Variants in TENM4 observed in about 807,000 individuals in gnomAD.
TENM4 encodes teneurin-4.
Under a neutral mutation model 243.3 loss-of-function variants are expected in TENM4, and 82 were observed. The ratio of observed to expected loss-of-function variants is 0.34; its 90% CI spans 0.28 to 0.40. The LOEUF is 0.40. Among genes scored for constraint, TENM4 ranks in the 10% least tolerant of loss-of-function variants. The pLI is 1.00. For synonymous variants in TENM4, 1,412 were observed against 1,456.3 expected (o/e 0.97, Z 0.69); for missense variants, 3,138 against 3,673.3 (o/e 0.85, Z 3.77).
intron 6 of TENM4, among the ~76,000 whole-genome samples, chr11:79,001,352 G>C (rs1433030405): frequency 6.6e-6 from 1 of 152,094 alleles, no homozygotes; most frequent in Non-Finnish European, 1.5e-5. Context: ...GGGGGAAGCT[G>C]GGAACCCTGC....
chr11:78,934,867 T>A (rs1454017353), intron 6 of TENM4, among the ~76,000 whole-genome samples: 3 of 144,678 alleles, frequency 2.1e-5, no homozygotes, highest in African/African-American at 8.7e-5. Context: ...AAGTTTTTTT[T>A]ATTTTTTATT....
intron 19 of TENM4, among the ~76,000 whole-genome samples, chr11:78,753,666 A>G (rs1203926267): frequency 6.6e-6 from 1 of 152,086 alleles, no homozygotes; most frequent in Non-Finnish European, 1.5e-5. Flanking sequence ...AAGAGCTGGT[A>G]CATAATGATT....
chr11:78,758,927 GAGTA>G (rs1856371946), intron 18 of TENM4, among the ~76,000 whole-genome samples: 1 of 152,180 alleles, frequency 6.6e-6, no homozygotes, highest in Non-Finnish European at 1.5e-5. Context: ...GGGATCATAA[GAGTA>G]AGTGTCAAAC....
intron 27 of TENM4, among the ~76,000 whole-genome samples, chr11:78,707,086 T>G (rs1261977577): frequency 6.6e-6 from 1 of 152,026 alleles, no homozygotes; most frequent in African/African-American, 2.4e-5. Context: ...GTAACAGAGG[T>G]AGGCATGACC....
intron 2 of TENM4, among the ~76,000 whole-genome samples, chr11:79,248,163 A>G (rs1289242556): frequency 6.6e-6 from 1 of 152,198 alleles, no homozygotes; most frequent in Non-Finnish European, 1.5e-5. Context: ...CCTCAGAATG[A>G]AGAGACTGCG....
intron 1 of TENM4, among the ~76,000 whole-genome samples, chr11:79,314,987 G>A (rs1393691030): frequency 6.6e-6 from 1 of 152,220 alleles, no homozygotes; most frequent in African/African-American, 2.4e-5. Flanking sequence ...ACACATAGAT[G>A]TTTTTAATAA....
intron 15 of TENM4, among the ~76,000 whole-genome samples, chr11:78,788,743 C>G (rs1489161729): frequency 2.0e-5 from 3 of 152,218 alleles, no homozygotes; most frequent in Non-Finnish European, 4.4e-5. Context: ...TTTGTGAGAT[C>G]TATACCTGCT....
At chr11:79,336,581 T>C (rs562287506) in intron 1 of TENM4, among the ~76,000 whole-genome samples, 1 of 152,318 alleles carries the variant, frequency 6.6e-6, no homozygotes, top group East Asian at 1.9e-4. Flanking sequence ...TGGGCTCCAT[T>C]TGCTTTCTAT....
At chr11:79,338,912 C>A (rs1303481506) in intron 1 of TENM4, among the ~76,000 whole-genome samples, 9 of 152,144 alleles carry the variant, frequency 5.9e-5, no homozygotes, top group African/African-American at 2.2e-4. Context: ...TGACTCAAGA[C>A]CAACATGGAA....
chr11:78,711,461 T>C (rs1226883195), intron 26 of TENM4, among the ~76,000 whole-genome samples: 1 of 152,204 alleles, frequency 6.6e-6, no homozygotes, highest in African/African-American at 2.4e-5. Flanking sequence ...AAGTCTGAAT[T>C]TGAATGCCTG....
At chr11:79,299,735 C>G (rs1367710157) in intron 1 of TENM4, among the ~76,000 whole-genome samples, 1 of 152,192 alleles carries the variant, frequency 6.6e-6, no homozygotes, top group Non-Finnish European at 1.5e-5. Flanking sequence ...AAATCCCAAC[C>G]CGGTCAGGGG....
rs6592810 is a variant in TENM4, at chr11:78,885,124, C to A, written c.1084+4661G>T. Among the ~76,000 whole-genome samples, 112 of 152,148 alleles carry A rather than the reference C, an allele frequency of 7.4e-4. 1 individual carries two copies. In the East Asian group the frequency reaches 0.013, roughly 17 times the overall value. On this transcript the variant is annotated intron_variant, in intron 9 of 33. Transcript: ENST00000278550. ...AATAAAGCATTTAATTGCTTAACAA[C>A]TGGCAGTACAAGCTTCAGGGTCTGA...
At chr11:79,004,992 A>G (rs148868710) in intron 6 of TENM4, among the ~76,000 whole-genome samples, 1 of 151,642 alleles carries the variant, frequency 6.6e-6, no homozygotes, top group East Asian at 1.9e-4. Context: ...ACCTCTATGT[A>G]CACAAACTAG....
intron 2 of TENM4, among the ~76,000 whole-genome samples, chr11:79,266,357 G>A (rs542836039): frequency 6.6e-6 from 1 of 152,332 alleles, no homozygotes; most frequent in African/African-American, 2.4e-5. Flanking sequence ...GAGCAAAATA[G>A]TCAAAAATGC....
At chr11:79,015,341 A>G (rs1858745450) in intron 6 of TENM4, among the ~76,000 whole-genome samples, 1 of 152,238 alleles carries the variant, frequency 6.6e-6, no homozygotes, top group South Asian at 2.1e-4. Context: ...TGACGCAGGA[A>G]TTATTCTCCA....
chr11:78,964,256 T>A (rs781479899), intron 6 of TENM4, among the ~76,000 whole-genome samples: 3 of 152,000 alleles, frequency 2.0e-5, no homozygotes, highest in African/African-American at 7.3e-5. Flanking sequence ...TTGGCCAGGA[T>A]GGTCTCAATC....
intron 1 of TENM4, among the ~76,000 whole-genome samples, chr11:79,359,260 T>TA (rs1565314101): frequency 6.6e-6 from 1 of 152,054 alleles, no homozygotes; most frequent in Non-Finnish European, 1.5e-5. Context: ...ACTAAGGCAC[T>TA]AAAAAAAGAA....
intron 3 of TENM4, among the ~76,000 whole-genome samples, chr11:79,162,967 C>T (rs1348702320): frequency 6.6e-6 from 1 of 152,236 alleles, no homozygotes; most frequent in Non-Finnish European, 1.5e-5. Context: ...TCTGCAGGCC[C>T]AAGGTGCGCT....
chr11:79,415,219 G>A (rs994634817), intron 1 of TENM4, among the ~76,000 whole-genome samples: 1 of 152,178 alleles, frequency 6.6e-6, no homozygotes, highest in Non-Finnish European at 1.5e-5. Context: ...ACAGAACTGG[G>A]ATCTGTGAAA....
Sources: gnomAD v4.1 joint callset for allele counts (sites outside exome capture counted in the v4.1 genomes callset) on GRCh38, gnomAD v4.1.1 for gene constraint, MANE v1.5 for transcripts, NCBI Gene and HGNC (gene_info 2026-07-23, HGNC 2026-07-21) for gene names.